Variants in XKR6 observed in about 807,000 individuals in gnomAD.
XKR6 encodes XK-related protein 6.
A neutral mutation model predicts 56.7 loss-of-function variants in XKR6; 22 were observed. The ratio of observed to expected loss-of-function variants is 0.39; its 90% confidence interval spans 0.28 to 0.55. The LOEUF (loss-of-function observed/expected upper bound fraction) is 0.55, where lower values mean the gene tolerates loss of function less well. Ranked by LOEUF, XKR6 falls within the 20% of genes least tolerant of loss-of-function variation. The probability of loss-of-function intolerance (pLI) is 0.66; values close to 1 mark genes in which losing one functional copy is unlikely to be tolerated. For synonymous variants in XKR6, 524 were observed against 387.8 expected, an observed-to-expected ratio of 1.35 and a Z score of -4.13; for missense variants, 852 against 889.0, an observed-to-expected ratio of 0.96 and a Z score of 0.53.
At chr8:10,944,447 C>A (rs185401209) in intron 1 of XKR6, among the ~76,000 whole-genome samples, 4 of 152,218 alleles carry the variant, frequency 2.6e-5, no homozygotes, top group Admixed American at 6.5e-5. Flanking sequence ...GTTGGACCCA[C>A]TGACCTTTCG....
At chr8:10,900,513 A>G (rs910985691) in intron 2 of XKR6, among the ~76,000 whole-genome samples, 13 of 152,240 alleles carry the variant, frequency 8.5e-5, no homozygotes, top group Non-Finnish European at 1.8e-4. Flanking sequence ...AACTGTTACA[A>G]TGGGCATGTG....
chr8:10,905,562 G>A (rs773949211), intron 2 of XKR6, among the ~76,000 whole-genome samples: 3 of 152,168 alleles, frequency 2.0e-5, no homozygotes, highest in Admixed American at 1.3e-4. Flanking sequence ...ACCCCAGTAG[G>A]CTGGGCCTCT....
chr8:11,141,124 G>A (rs963514507), intron 1 of XKR6, among the ~76,000 whole-genome samples: 25 of 152,158 alleles, frequency 1.6e-4, no homozygotes, highest in Admixed American at 6.5e-5. Context: ...GGAGAAGGGG[G>A]AGAACAGATG....
chr8:11,135,118 C>T (rs931254950), intron 1 of XKR6, among the ~76,000 whole-genome samples: 3 of 151,676 alleles, frequency 2.0e-5, no homozygotes, highest in East Asian at 1.9e-4. Flanking sequence ...CTGCAAGCTC[C>T]GCCTCCCGGG....
At chr8:11,064,838 G>C (rs897153902) in intron 1 of XKR6, among the ~76,000 whole-genome samples, 1 of 152,192 alleles carries the variant, frequency 6.6e-6, no homozygotes, top group Non-Finnish European at 1.5e-5. Flanking sequence ...TTGTCACTGG[G>C]CACAAAATGG....
rs149129825 is a variant in XKR6, at chr8:10,999,695, C to A, written c.765-74865G>T. Reference sequence around the variant, plus strand: ...CAAGCTACCAAAATAAAAGTTCCAACAAAGGATGTTCTGCAGATGTGACCA... The same window carrying A: ...CAAGCTACCAAAATAAAAGTTCCAAAAAAGGATGTTCTGCAGATGTGACCA... On this transcript the variant is annotated intron_variant, in intron 1 of 2. Coordinates refer to ENST00000416569, the MANE Select transcript of XKR6 (RefSeq NM_173683.4). Among the ~76,000 whole-genome samples, 159 of 152,198 alleles carry A rather than the reference C, an allele frequency of 1.0e-3. 1 individual carries two copies. Among genetic ancestry groups the A allele is most frequent in the African/African-American group, 3.7e-3 (152 of 41,520 alleles).
rs35783491 is a variant in XKR6, at chr8:11,165,090, CTTTTTTT to C, written c.764+35479_764+35485del. Among the ~76,000 whole-genome samples, 7 of 82,468 alleles carry C rather than the reference CTTTTTTT, an allele frequency of 8.5e-5. No homozygotes were observed. In the South Asian group the frequency reaches 1.4e-3, roughly 17 times the overall value. The allele number at this position is 82,468 out of a possible 152,430, so 54.1% of individuals were successfully genotyped here. A position where few individuals can be genotyped will look rare whatever the true frequency, so the allele number is the denominator to read the frequency against. On this transcript the variant is annotated intron_variant, in intron 1 of 2. Coordinates refer to ENST00000416569, the MANE Select transcript of XKR6 (RefSeq NM_173683.4). The stretch of plus-strand genomic sequence containing the variant: ...ACACAACCATTCCCTAGGCTATCAC[CTTTTTTT>C]TTTTTTTTTTTTTTTTTTTTGAGAC...
At chr8:11,123,760 C>G in intron 1 of XKR6, 1 of 429,706 alleles carries the variant, frequency 2.3e-6, no homozygotes, top group South Asian at 1.6e-5. Context: ...GAAAAAAAAA[C>G]AAAAAATGAA....
intron 1 of XKR6, among the ~76,000 whole-genome samples, chr8:11,050,102 G>C (rs934241341): frequency 1.3e-5 from 2 of 152,174 alleles, no homozygotes; most frequent in African/African-American, 4.8e-5. Context: ...CATTTACAAA[G>C]GAATATCAGG....
At chr8:11,155,052 A>C (rs565959984) in intron 1 of XKR6, among the ~76,000 whole-genome samples, 1 of 152,224 alleles carries the variant, frequency 6.6e-6, no homozygotes, top group Non-Finnish European at 1.5e-5. Context: ...ACAAACAGCA[A>C]TATTTTGGCC....
rs183017432 is a variant in XKR6, at chr8:10,957,890, C to G, written c.765-33060G>C. 1.1e-4 allele frequency among the ~76,000 whole-genome samples: 17 copies of G among 151,860 alleles called. No homozygotes were observed. In the East Asian group the frequency reaches 2.5e-3, roughly 22 times the overall value. On this transcript the variant is annotated intron_variant, in intron 1 of 2. Coordinates refer to ENST00000416569, the MANE Select transcript of XKR6 (RefSeq NM_173683.4). The stretch of plus-strand genomic sequence containing the variant: ...ACAATATCGAATCTAAAAATGATCC[C>G]CAATGTGATTTTTTAAAAACTGAAT...
chr8:10,956,233 A>G (rs1801883137), intron 1 of XKR6, among the ~76,000 whole-genome samples: 1 of 152,118 alleles, frequency 6.6e-6, no homozygotes, highest in Non-Finnish European at 1.5e-5. Flanking sequence ...TTCAAAAGTG[A>G]ATTTGCGGAG....
At chr8:10,938,247 C>A (rs1801285201) in intron 1 of XKR6, among the ~76,000 whole-genome samples, 1 of 152,210 alleles carries the variant, frequency 6.6e-6, no homozygotes, top group African/African-American at 2.4e-5. Context: ...CAATGCCTCG[C>A]CCTGCTTCGG....
At chr8:11,119,518 G>C (rs1370254348) in intron 1 of XKR6, among the ~76,000 whole-genome samples, 2 of 152,170 alleles carry the variant, frequency 1.3e-5, no homozygotes, top group African/African-American at 4.8e-5. Context: ...ATATATTTAG[G>C]ACAGTTAGCT....
At chr8:11,161,151 G>T (rs191240241) in intron 1 of XKR6, among the ~76,000 whole-genome samples, 1 of 152,066 alleles carries the variant, frequency 6.6e-6, no homozygotes. Flanking sequence ...CAGAGTACCT[G>T]GTAGAAATTA....
chr8:11,107,440 C>T (rs148117853), intron 1 of XKR6, among the ~76,000 whole-genome samples: 1 of 152,276 alleles, frequency 6.6e-6, no homozygotes, highest in South Asian at 2.1e-4. Flanking sequence ...CTGCCTCGGC[C>T]TCCCAGAGTG....
At chr8:10,912,687 GTA>G (rs780977459) in intron 2 of XKR6, among the ~76,000 whole-genome samples, 6,198 of 132,284 alleles carry the variant, frequency 0.047, 401 homozygotes, top group African/African-American at 0.16. Flanking sequence ...GAGGGTGAGT[GTA>G]TATATATATA....
At chr8:10,962,748 C>A (rs1376239604) in intron 1 of XKR6, among the ~76,000 whole-genome samples, 1 of 152,122 alleles carries the variant, frequency 6.6e-6, no homozygotes, top group Non-Finnish European at 1.5e-5. Flanking sequence ...GCCTCAGCCT[C>A]CCAAGTAGCT....
chr8:11,078,869 A>C (rs541458316), intron 1 of XKR6, among the ~76,000 whole-genome samples: 171 of 152,304 alleles, frequency 1.1e-3, no homozygotes, highest in Non-Finnish European at 1.8e-3. Flanking sequence ...AGGCCTCCCA[A>C]GGGGGGCCAG....
Sources: allele counts gnomAD v4.1 joint callset (sites outside exome capture counted in the v4.1 genomes callset), GRCh38; gene constraint gnomAD v4.1.1; transcripts MANE v1.5; gene names NCBI Gene and HGNC (gene_info 2026-07-23, HGNC 2026-07-21).